Variants in IFT74 observed in about 807,000 individuals in gnomAD.
IFT74 encodes the protein intraflagellar transport 74, also known as intraflagellar transport protein 74 homolog.
Under a neutral mutation model 96.7 loss-of-function variants are expected in IFT74, and 92 were observed. That is an observed-to-expected ratio of 0.95 (90% CI 0.80 to 1.13). IFT74 has a LOEUF of 1.13. IFT74 is among the 50% of genes most tolerant of loss of function. The pLI is 0.00. For missense variants in IFT74, 811 were observed against 698.2 expected, an observed-to-expected ratio of 1.16 and a Z score of -1.82; for synonymous variants, 223 against 213.2, an observed-to-expected ratio of 1.05 and a Z score of -0.40.
rs746980337 is a variant in IFT74, at chr9:26,978,253, T to C, written c.246T>C (p.Thr82=). The C allele has an allele frequency of 6.2e-7, 1 of 1,613,072 alleles. No individual in the cohort carries two copies. Among genetic ancestry groups the C allele is most frequent in the Non-Finnish European group, 8.5e-7 (1 of 1,179,794 alleles). The change falls in exon 3 of 20, where the codon ACT becomes ACC. Residue 82 remains threonine (T), a synonymous_variant. Transcript: ENST00000380062. ...AACAAGGTTTGACTGGAATGAAAAC[T>C]GGGACGAAAGGTACCTATTTTAAGA... ...VTQQGLTGMK[T]GTKGPQRQIL...
chr9:27,047,452 G>A lies in IFT74; in HGVS notation c.1206+81G>A, dbSNP rs954577545. ...CCAAATACAACTCAAAAAATAGAAC[G>A]GCTCACTATTGTATCTTCTCATTTA... On this transcript the variant is annotated intron_variant, in intron 15 of 19. Transcript: ENST00000380062. 10 of 750,360 alleles carry A rather than the reference G, an allele frequency of 1.3e-5. No homozygotes were observed. In the Admixed American group the frequency reaches 1.9e-4, roughly 15 times the overall value. The allele number at this position is 750,360 out of a possible 1,614,324, so 46.5% of individuals were successfully genotyped here.
chr9:26,988,572 C>A, intron 6 of IFT74, 97 bp from the exon 7 acceptor site: 1 of 1,119,746 alleles, frequency 8.9e-7, no homozygotes, highest in Non-Finnish European at 1.2e-6. Context: ...AGTTACTACT[C>A]ATTATTTGTA....
rs202158905 is a variant in IFT74 at position 27,055,673 on chromosome 9, A to C, written c.1398A>C (p.Glu466Asp). 997 of 1,594,298 alleles carry C rather than the reference A, an allele frequency of 6.3e-4. No individual in the cohort carries two copies. The highest frequency in any genetic ancestry group is 1.0e-3 in the Admixed American group (56 of 55,798). Residue 466 changes from glutamate (E) to aspartate (D), a missense_variant, in exon 17 of 20, where the codon GAA (glutamate) becomes GAC (aspartate). By Grantham distance (45) the Glu-to-Asp change is conservative. Coordinates refer to ENST00000380062, the MANE Select transcript of IFT74 (RefSeq NM_025103.4). ...TTCTAGAAAGTAAGATGACTGAAGAACAGCATTCTCTAAAAAGCAAAATTA... is the reference window on the plus strand; with the variant it reads ...TTCTAGAAAGTAAGATGACTGAAGACCAGCATTCTCTAAAAAGCAAAATTA... ...MELLESKMTE[E>D]QHSLKSKIKQ...
intron 8 of IFT74, among the ~76,000 whole-genome samples, chr9:27,001,061 T>C (rs1828457941): frequency 6.6e-6 from 1 of 152,200 alleles, no homozygotes; most frequent in African/African-American, 2.4e-5. Flanking sequence ...GTGATATTTG[T>C]CTTTCTGTGC....
At chr9:27,015,462 C>T (rs1829293554) in intron 10 of IFT74, among the ~76,000 whole-genome samples, 1 of 152,044 alleles carries the variant, frequency 6.6e-6, no homozygotes, top group African/African-American at 2.4e-5. Context: ...CATGGTGAAA[C>T]CCCATCTCTA....
chr9:26,982,379 T>C, intron 4 of IFT74: 1 of 444,706 alleles, frequency 2.2e-6, no homozygotes, highest in Non-Finnish European at 4.5e-6. Flanking sequence ...TTCTCTTGCC[T>C]CAGCCTCGTG....
Position 27,011,892 on chromosome 9 carries a change from T to C in IFT74, c.727-14T>C, listed in dbSNP as rs749686479. On this transcript the variant is annotated splice_polypyrimidine_tract_variant and intron_variant, in intron 9 of 19. Transcript: ENST00000380062. ...GTAATTTGGATTTATGTTTGCTTTT[T>C]TTTTTCCACTTAGGAATTAGATACA... The C allele has an allele frequency of 6.5e-7, 1 of 1,526,824 alleles. No homozygotes were observed. The highest frequency in any genetic ancestry group is 8.8e-7 in the Non-Finnish European group (1 of 1,137,130). The allele number at this position is 1,526,824 out of a possible 1,614,324, so 94.6% of individuals were successfully genotyped here.
intron 13 of IFT74, chr9:27,036,442 A>C: frequency 7.4e-6 from 12 of 1,613,462 alleles, no homozygotes; most frequent in Non-Finnish European, 1.0e-5. Flanking sequence ...CGGGTTCTTC[A>C]TCTGCAGATC....
chr9:26,984,799 A>G (rs1306629956), intron 6 of IFT74, among the ~76,000 whole-genome samples: 1 of 152,198 alleles, frequency 6.6e-6, no homozygotes, highest in Non-Finnish European at 1.5e-5. Context: ...CTAAGAAGTC[A>G]AAAATAACAG....
intron 8 of IFT74, among the ~76,000 whole-genome samples, chr9:27,000,946 G>A (rs1168604745): frequency 6.6e-6 from 1 of 151,982 alleles, no homozygotes. Context: ...AAACTTTTCT[G>A]CATTCCTCCC....
chr9:26,994,838 G>A (rs1275840685), intron 8 of IFT74: 1 of 152,566 alleles, frequency 6.6e-6, no homozygotes, highest in Non-Finnish European at 1.5e-5. Context: ...ATAGATAATT[G>A]TGATGCCCAC....
chr9:27,037,973 C>T (rs1819278841), intron 13 of IFT74, among the ~76,000 whole-genome samples: 1 of 152,216 alleles, frequency 6.6e-6, no homozygotes, highest in African/African-American at 2.4e-5. Flanking sequence ...CAAGTACTAC[C>T]TCACTGTTTT....
chr9:27,036,692 A>C, intron 13 of IFT74: 1 of 1,316,328 alleles, frequency 7.6e-7, no homozygotes, highest in Non-Finnish European at 9.6e-7. Context: ...TGAAAAAAAA[A>C]AGACTCCTAA....
intron 4 of IFT74, among the ~76,000 whole-genome samples, chr9:26,983,544 C>G (rs918919090): frequency 9.2e-5 from 14 of 152,102 alleles, no homozygotes; most frequent in Non-Finnish European, 2.9e-5. Context: ...GTGCTCAACA[C>G]GAGGTGCTAA....
intron 8 of IFT74, among the ~76,000 whole-genome samples, chr9:27,003,261 G>A (rs879414543): frequency 5.9e-5 from 9 of 151,628 alleles, no homozygotes; most frequent in Admixed American, 2.0e-4. Flanking sequence ...AGTGGCTCAC[G>A]CCTGTAATCC....
intron 16 of IFT74, among the ~76,000 whole-genome samples, chr9:27,054,154 G>A (rs527717267): frequency 1.3e-5 from 2 of 152,238 alleles, no homozygotes; most frequent in African/African-American, 2.4e-5. Context: ...AGTGACTTTC[G>A]AAGCATTGTT....
chr9:26,956,366 C>G (rs775742954), upstream of IFT74: 2 of 152,280 alleles, frequency 1.3e-5, no homozygotes, highest in South Asian at 4.1e-4. Flanking sequence ...GATGAGGAGC[C>G]TCCGCTATCC....
In IFT74 at chr9:27,065,067, T is replaced by C. The variant is rs1005375334; in HGVS notation, c.*2331T>C. The stretch of plus-strand genomic sequence containing the variant: ...ACGCAGAAAGAAAGTAGGAGGAAGA[T>C]TGGCCTGTCCATTAAATATATGTGT... On this transcript the variant is annotated 3_prime_UTR_variant, in exon 20 of 20. Coordinates refer to ENST00000380062, the MANE Select transcript of IFT74 (RefSeq NM_025103.4). 2.6e-5 allele frequency among the ~76,000 whole-genome samples: 4 copies of C among 152,132 alleles called. No homozygotes were observed. The highest frequency in any genetic ancestry group is 6.5e-5 in the Admixed American group (1 of 15,268).
At chr9:27,046,350 A>G (rs771662252) in intron 14 of IFT74, among the ~76,000 whole-genome samples, 4 of 152,332 alleles carry the variant, frequency 2.6e-5, no homozygotes, top group Middle Eastern at 3.4e-3. Context: ...TATGCTAAAT[A>G]TAAGAAAAAA....
Sources: gnomAD v4.1 joint callset for allele counts (sites outside exome capture counted in the v4.1 genomes callset) on GRCh38, gnomAD v4.1.1 for gene constraint, MANE v1.5 for transcripts, NCBI Gene and HGNC (gene_info 2026-07-23, HGNC 2026-07-21) for gene names.